The following SYNRG variants were observed in gnomAD, a reference collection of about 807,000 sequenced individuals.
SYNRG encodes the protein synergin gamma, also known as AP1 gamma subunit binding protein 1.
In SYNRG, 37 loss-of-function variants were observed where a neutral mutation model predicts 130.9. The observed-to-expected ratio is 0.28, with a 90% CI of 0.22 to 0.37. The LOEUF (loss-of-function observed/expected upper bound fraction) is 0.37, where lower values mean the gene tolerates loss of function less well. SYNRG is among the 10% of genes least tolerant of loss of function. SYNRG has a pLI of 1.00. For missense variants in SYNRG, 1,338 were observed against 1,588.9 expected, an observed-to-expected ratio of 0.84 and a Z score of 2.68; for synonymous variants, 539 against 568.1, an observed-to-expected ratio of 0.95 and a Z score of 0.73.
At chr17:37,570,114 C>T (rs1469965197) in intron 10 of SYNRG, among the ~76,000 whole-genome samples, 1 of 146,336 alleles carries the variant, frequency 6.8e-6, no homozygotes, top group Admixed American at 6.9e-5. Flanking sequence ...AATGTGACTA[C>T]TAGGATAGAA....
chr17:37,537,650 A>T (rs2057334779), intron 18 of SYNRG, among the ~76,000 whole-genome samples: 1 of 152,196 alleles, frequency 6.6e-6, no homozygotes, highest in South Asian at 2.1e-4. Context: ...AGAAAAGAAA[A>T]GAATAATAAG....
intron 3 of SYNRG, among the ~76,000 whole-genome samples, chr17:37,592,002 G>A (rs2062234333): frequency 1.3e-5 from 2 of 151,896 alleles, no homozygotes; most frequent in Admixed American, 6.6e-5. Flanking sequence ...CCGTTAAGAG[G>A]GTGAAAAGAC....
intron 3 of SYNRG, among the ~76,000 whole-genome samples, chr17:37,594,792 T>A (rs775456317): frequency 1.3e-5 from 2 of 152,136 alleles, no homozygotes; most frequent in Non-Finnish European, 1.5e-5. Context: ...GAACTACACA[T>A]CCCTATGTGG....
In SYNRG at chr17:37,540,549, A is replaced by G; in HGVS notation, c.3203-6T>C. On this transcript the variant is annotated splice_polypyrimidine_tract_variant and splice_region_variant and intron_variant, in intron 15 of 21. Coordinates refer to ENST00000612223, the MANE Select transcript of SYNRG (RefSeq NM_007247.6). ...CAAACTCCTCTTGTGTGATCCTGGG[A>G]GAAGGGGATAATACAGTCAAAGGTT... is the stretch of plus-strand genomic sequence containing the variant. 6.2e-7 allele frequency: 1 copy of G among 1,611,394 alleles called. No homozygotes were observed. Among genetic ancestry groups the G allele is most frequent in the East Asian group, 2.2e-5 (1 of 44,712 alleles).
chr17:37,520,340 T>C, intron 20 of SYNRG, 126 bp from the exon 21 acceptor site: 2 of 1,303,832 alleles, frequency 1.5e-6, no homozygotes, highest in East Asian at 4.8e-5. Context: ...GCTGCAGGCA[T>C]GAGAGCCGCG....
intron 11 of SYNRG, among the ~76,000 whole-genome samples, chr17:37,565,835 C>A (rs2059916946): frequency 6.7e-6 from 1 of 150,046 alleles, no homozygotes; most frequent in South Asian, 2.1e-4. Context: ...AAGTGAGGAG[C>A]CTCTCCACCC....
chr17:37,553,966 G>T lies in SYNRG; in HGVS notation c.1757C>A (p.Thr586Lys). The T allele has an allele frequency of 1.2e-6, 2 of 1,610,614 alleles. No individual in the cohort carries two copies. The highest frequency in any genetic ancestry group is 1.7e-6 in the Non-Finnish European group (2 of 1,179,342). ...ADSVSPLEPP[T>K]KDKTFPPSFP... ...GGATGGTGGAAAAGTTTTGTCTTTT[G>T]TTGGTGGCTCTAGTGGTGATACACT... Residue 586 changes from threonine to lysine, a missense_variant, in exon 14 of 22, where the codon ACA (threonine) becomes AAA (lysine). Thr to Lys is a moderately conservative substitution (Grantham distance 78). Transcript: ENST00000612223.
intron 11 of SYNRG, chr17:37,567,392 A>G (rs145123392): frequency 5.3e-5 from 8 of 152,354 alleles, no homozygotes; most frequent in African/African-American, 1.9e-4. Context: ...TTGAGTAGGA[A>G]AACACTAAAG....
chr17:37,589,142 T>C (rs2061935499), intron 3 of SYNRG, among the ~76,000 whole-genome samples: 1 of 152,230 alleles, frequency 6.6e-6, no homozygotes, highest in Admixed American at 6.5e-5. Context: ...AAGTATAGTA[T>C]GACAGTTAAG....
intron 19 of SYNRG, among the ~76,000 whole-genome samples, chr17:37,533,378 G>GT (rs1178614762): frequency 6.6e-6 from 1 of 151,492 alleles, no homozygotes; most frequent in Admixed American, 6.6e-5. Context: ...TCCAGCCTGG[G>GT]TGACAGAGTG....
Position 37,594,302 on chromosome 17 carries a change from T to C in SYNRG, c.240+1921A>G, listed in dbSNP as rs1435081117. ...AATTTTAATTATATTAATTACAATA[T>C]TAATTATTTTAATTAATATTTAATA... On this transcript the variant is annotated intron_variant, in intron 3 of 21. Coordinates refer to ENST00000612223, the MANE Select transcript of SYNRG (RefSeq NM_007247.6). 2.0e-5 allele frequency among the ~76,000 whole-genome samples: 3 copies of C among 147,448 alleles called. No individual in the cohort carries two copies. The South Asian group carries it at 6.3e-4, about 31-fold the overall frequency.
intron 20 of SYNRG, 101 bp from the exon 21 acceptor site, chr17:37,520,315 C>A: frequency 2.0e-6 from 3 of 1,473,046 alleles, no homozygotes; most frequent in South Asian, 1.1e-5. Context: ...CTGACCTCCC[C>A]ACTATGCACA....
chr17:37,548,389 GGA>G (rs2145167105), intron 14 of SYNRG, among the ~76,000 whole-genome samples: 1 of 152,310 alleles, frequency 6.6e-6, no homozygotes, highest in South Asian at 2.1e-4. Context: ...AGTATGCTCT[GGA>G]AAGTGCTGTA....
intron 13 of SYNRG, among the ~76,000 whole-genome samples, chr17:37,555,676 G>T (rs1030851524): frequency 2.0e-5 from 3 of 152,176 alleles, no homozygotes; most frequent in Non-Finnish European, 4.4e-5. Context: ...CAAGGAGGGT[G>T]TATCACTTGA....
rs542105082 is a variant in SYNRG at position 37,521,187 on chromosome 17, C to T, written c.3667-539G>A. Among the ~76,000 whole-genome samples, 30 of 152,020 alleles carry T rather than the reference C, an allele frequency of 2.0e-4. No individual in the cohort carries two copies. In the Middle Eastern group the frequency reaches 0.017, roughly 86 times the overall value. On this transcript the variant is annotated intron_variant, in intron 19 of 21. Transcript: ENST00000612223. ...AGCTGGGATTACAGGCGCGCCACCA[C>T]GTCTGGTTAATTTTGTATTTTTAGT...
chr17:37,593,114 AATC>A (rs2062353527), intron 3 of SYNRG, among the ~76,000 whole-genome samples: 1 of 152,092 alleles, frequency 6.6e-6, no homozygotes, highest in Admixed American at 6.5e-5. Flanking sequence ...ATATAATAAT[AATC>A]AAGACTAAAT....
Position 37,570,731 on chromosome 17 carries a change from C to A in SYNRG, c.1253G>T (p.Gly418Val). The A allele has an allele frequency of 3.1e-6, 5 of 1,614,200 alleles. No individual in the cohort carries two copies. The highest frequency in any genetic ancestry group is 4.2e-6 in the Non-Finnish European group (5 of 1,180,040). Residue 418 changes from glycine (G) to valine (V), a missense_variant, in exon 10 of 22, where the codon GGA (glycine) becomes GTA (valine). Gly to Val is a moderately radical substitution (Grantham distance 109). This residue lies in a region of SYNRG where 1,146 missense variants were observed against 1,342.3 expected (regional missense o/e 0.85). Transcript: ENST00000612223. ...GPAGSMPLSL[G>V]QPVMGINLVG... ...AAGGTTAATGCCCATGACTGGCTGT[C>A]CAAGGCTGAGGGGCATGGAGCCCGC...
intron 13 of SYNRG, among the ~76,000 whole-genome samples, chr17:37,556,021 T>A (rs535204334): frequency 1.8e-4 from 27 of 152,178 alleles, no homozygotes; most frequent in Non-Finnish European, 2.6e-4. Context: ...AATATAAGCT[T>A]TAATTTCCTC....
At chr17:37,579,890 T>A (rs1009746143) in intron 6 of SYNRG, among the ~76,000 whole-genome samples, 1 of 150,192 alleles carries the variant, frequency 6.7e-6, no homozygotes, top group Non-Finnish European at 1.5e-5. Flanking sequence ...CTTCCTTTCT[T>A]TTTTTTTTTC....
Sources: allele counts gnomAD v4.1 joint callset (sites outside exome capture counted in the v4.1 genomes callset), GRCh38; gene constraint gnomAD v4.1.1; regional missense constraint gnomAD v4.1.1; transcripts MANE v1.5; gene names NCBI Gene and HGNC (gene_info 2026-07-23, HGNC 2026-07-21).